FBXL5: variants seen among roughly 807,000 people sequenced by gnomAD.
FBXL5 encodes the protein F-box/LRR-repeat protein 5.
In FBXL5, 26 loss-of-function variants were observed where a neutral mutation model predicts 78.3. The observed-to-expected ratio is 0.33, with a 90% CI of 0.24 to 0.46. The LOEUF is 0.46. Ranked by LOEUF, FBXL5 falls within the 20% of genes least tolerant of loss-of-function variation. FBXL5 has a pLI of 1.00. For synonymous variants in FBXL5, 295 were observed against 282.5 expected, an observed-to-expected ratio of 1.04 and a Z score of -0.45; for missense variants, 710 against 829.2, an observed-to-expected ratio of 0.86 and a Z score of 1.77.
upstream of FBXL5, among the ~76,000 whole-genome samples, chr4:15,664,550 C>CTTTTTTT (rs35319145): frequency 1.7e-4 from 13 of 75,514 alleles, no homozygotes; most frequent in South Asian, 5.6e-4. Context: ...GGCCCTCATC[C>CTTTTTTT]TTTTTTTTTT....
chr4:15,662,672 T>C (rs1183421140), upstream of FBXL5, among the ~76,000 whole-genome samples: 1 of 152,206 alleles, frequency 6.6e-6, no homozygotes, highest in Admixed American at 6.5e-5. Context: ...AAAATTGTTT[T>C]TTTCAATATC....
At chr4:15,608,257 A>C (rs1290166485) in intron 10 of FBXL5, among the ~76,000 whole-genome samples, 1 of 152,082 alleles carries the variant, frequency 6.6e-6, no homozygotes, top group Non-Finnish European at 1.5e-5. Context: ...GGATAAAGTA[A>C]AAGGGAGACT....
intron 6 of FBXL5, among the ~76,000 whole-genome samples, chr4:15,629,702 G>T (rs575029546): frequency 1.3e-5 from 2 of 152,034 alleles, no homozygotes; most frequent in African/African-American, 4.8e-5. Context: ...TCCTTATATA[G>T]GACATTTTGA....
rs561371580 is a variant in FBXL5 at position 15,609,947 on chromosome 4, T to C, written c.1999+2319A>G. Among the ~76,000 whole-genome samples the C allele has an allele frequency of 1.8e-3, 272 of 152,216 alleles. 1 individual carries two copies. The highest frequency in any genetic ancestry group is 4.1e-3 in the Admixed American group (62 of 15,286). The stretch of plus-strand genomic sequence containing the variant: ...TAATGTTTATCAGTATTAACTTCTT[T>C]TACATTTAGTAACCTGATAGTTAAC... On this transcript the variant is annotated intron_variant, in intron 10 of 10. Transcript: ENST00000341285.
upstream of FBXL5, among the ~76,000 whole-genome samples, chr4:15,663,989 T>C (rs1286544609): frequency 2.0e-5 from 3 of 152,316 alleles, no homozygotes; most frequent in South Asian, 4.1e-4. Flanking sequence ...GTAGGCACTC[T>C]TATCCTGATT....
At chr4:15,633,487 A>C (rs1309426097) in intron 5 of FBXL5, among the ~76,000 whole-genome samples, 2 of 152,246 alleles carry the variant, frequency 1.3e-5, no homozygotes, top group Non-Finnish European at 2.9e-5. Context: ...GAACAGAAGC[A>C]AAGGGAAAGA....
Sources: allele counts gnomAD v4.1 joint callset (sites outside exome capture counted in the v4.1 genomes callset), GRCh38; gene constraint gnomAD v4.1.1; transcripts MANE v1.5; gene names NCBI Gene and HGNC (gene_info 2026-07-23, HGNC 2026-07-21).